BAZ2B: variants seen among roughly 807,000 people sequenced by gnomAD.
BAZ2B encodes the protein bromodomain adjacent to zinc finger domain protein 2B.
A neutral mutation model predicts 246.0 loss-of-function variants in BAZ2B; 91 were observed. The observed-to-expected ratio is 0.37, with a 90% CI of 0.31 to 0.44. The LOEUF is 0.44. Among genes scored for constraint, BAZ2B ranks in the 20% least tolerant of loss-of-function variants. BAZ2B has a pLI of 1.00. For synonymous variants in BAZ2B, 855 were observed against 860.0 expected (o/e 0.99, Z 0.10); for missense variants, 2,332 against 2,533.7 (o/e 0.92, Z 1.71).
intron 1 of BAZ2B, among the ~76,000 whole-genome samples, chr2:159,598,096 C>A (rs376795682): frequency 6.6e-6 from 1 of 151,932 alleles, no homozygotes; most frequent in Non-Finnish European, 1.5e-5. Flanking sequence ...CGGGCTCAAG[C>A]GATTCTCCTG....
chr2:159,431,168 A>G lies in BAZ2B; in HGVS notation c.1901-12T>C. The G allele has an allele frequency of 6.3e-7, 1 of 1,595,028 alleles. No homozygotes were observed. Among genetic ancestry groups the G allele is most frequent in the South Asian group, 1.1e-5 (1 of 88,070 alleles). On this transcript the variant is annotated splice_polypyrimidine_tract_variant and intron_variant, in intron 9 of 36. Coordinates refer to ENST00000392783, the MANE Select transcript of BAZ2B (RefSeq NM_013450.4). Reference sequence around the variant, plus strand: ...ATTACTATCTGATTCTGGGAAGTAAAAGAAGCATTTGTATATTATAACTAG... The same window carrying G: ...ATTACTATCTGATTCTGGGAAGTAAGAGAAGCATTTGTATATTATAACTAG...
At chr2:159,374,136 C>T (rs1414551246) in intron 26 of BAZ2B, among the ~76,000 whole-genome samples, 2 of 146,992 alleles carry the variant, frequency 1.4e-5, no homozygotes, top group Non-Finnish European at 3.0e-5. Flanking sequence ...TCTCAAACTC[C>T]TGGGCTCAAA....
At chr2:159,524,143 G>A (rs749357901) in intron 2 of BAZ2B, among the ~76,000 whole-genome samples, 2 of 152,076 alleles carry the variant, frequency 1.3e-5, no homozygotes, top group African/African-American at 2.4e-5. Flanking sequence ...TGCTCACACT[G>A]AGATTACAGG....
At chr2:159,594,634 T>G (rs1290063239) in intron 1 of BAZ2B, among the ~76,000 whole-genome samples, 1 of 14,218 alleles carries the variant, frequency 7.0e-5, no homozygotes, top group African/African-American at 3.8e-4. Context: ...ATTTTGACAG[T>G]TTTTTTTTTT....
At chr2:159,377,931 C>G (rs559267826) in intron 25 of BAZ2B, among the ~76,000 whole-genome samples, 75 of 151,382 alleles carry the variant, frequency 5.0e-4, no homozygotes, top group African/African-American at 1.8e-3. Flanking sequence ...TTTGTTAGTT[C>G]TCTGTTAAAA....
intron 2 of BAZ2B, among the ~76,000 whole-genome samples, chr2:159,549,616 A>C (rs1348847713): frequency 6.6e-6 from 1 of 152,112 alleles, no homozygotes; most frequent in African/African-American, 2.4e-5. Flanking sequence ...AACAAAAATC[A>C]CAAAAAAAAT....
chr2:159,481,001 C>A (rs189149482), intron 2 of BAZ2B, among the ~76,000 whole-genome samples: 1 of 152,068 alleles, frequency 6.6e-6, no homozygotes, highest in East Asian at 1.9e-4. Context: ...TTTTAATAGG[C>A]ATTTCTTAGT....
At chr2:159,462,107 C>A in intron 3 of BAZ2B, 1 of 255,094 alleles carries the variant, frequency 3.9e-6, no homozygotes, top group Non-Finnish European at 7.5e-6. Context: ...CTTTTTTAAA[C>A]AGTAAAATGT....
At chr2:159,544,445 G>A (rs748165525) in intron 2 of BAZ2B, among the ~76,000 whole-genome samples, 1 of 152,160 alleles carries the variant, frequency 6.6e-6, no homozygotes, top group Non-Finnish European at 1.5e-5. Context: ...TTTCTACCTT[G>A]AGCGGCTAAG....
chr2:159,689,434 C>T, the BAZ2B span: 3 of 237,904 alleles, frequency 1.3e-5, no homozygotes, highest in African/African-American at 4.8e-5. Context: ...TGCAGTGGCA[C>T]GATCTCGGCT....
chr2:159,642,115 A>G, the BAZ2B span, among the ~76,000 whole-genome samples: 2 of 151,202 alleles, frequency 1.3e-5, no homozygotes, highest in Non-Finnish European at 2.9e-5. Flanking sequence ...GAAAATGTGG[A>G]TTTTTCTTCT....
chr2:159,399,522 G>A (rs567227161), intron 17 of BAZ2B, among the ~76,000 whole-genome samples: 1 of 151,614 alleles, frequency 6.6e-6, no homozygotes, highest in East Asian at 1.9e-4. Context: ...TCTTTCATGA[G>A]GCACAATCTA....
At chr2:159,651,128 T>C in the BAZ2B span, among the ~76,000 whole-genome samples, 11,221 of 152,220 alleles carry the variant, frequency 0.074, 527 homozygotes, top group East Asian at 0.14. Flanking sequence ...CTCACTTATG[T>C]GGGGAATCAT....
Position 159,347,579 on chromosome 2 carries a change from T to G in BAZ2B, c.5361A>C (p.Ser1787=). 6.2e-7 allele frequency: 1 copy of G among 1,613,290 alleles called. No individual in the cohort carries two copies. Among genetic ancestry groups the G allele is most frequent in the Non-Finnish European group, 8.5e-7 (1 of 1,179,374 alleles). The change falls in exon 31 of 37, where the codon TCA becomes TCC. Residue 1787 remains serine, a synonymous_variant. Transcript: ENST00000392783. The part of the protein sequence containing the change: ...QVTRDIVENW[S]VEEQAMEMDL... Reference sequence around the variant, plus strand: ...CCATTTCCATTGCTTGTTCTTCTACTGACCAGTTCTCCACAATATCTCGAG... The same window carrying G: ...CCATTTCCATTGCTTGTTCTTCTACGGACCAGTTCTCCACAATATCTCGAG...
chr2:159,370,252 T>C (rs1280372508), intron 27 of BAZ2B, among the ~76,000 whole-genome samples: 10 of 151,884 alleles, frequency 6.6e-5, no homozygotes, highest in Admixed American at 6.6e-4. Flanking sequence ...CACACCAACA[T>C]GGCACATGTA....
chr2:159,344,046 GAAA>G (rs796497198), intron 31 of BAZ2B, among the ~76,000 whole-genome samples: 189 of 108,972 alleles, frequency 1.7e-3, no homozygotes, highest in Non-Finnish European at 3.0e-3. Context: ...AAAAAAAAAA[GAAA>G]AAAAAAAAAA....
chr2:159,544,698 A>C (rs2087090157), intron 2 of BAZ2B, among the ~76,000 whole-genome samples: 1 of 152,224 alleles, frequency 6.6e-6, no homozygotes, highest in Non-Finnish European at 1.5e-5. Context: ...CACATTTATC[A>C]CTAAAGACTA....
the BAZ2B span, among the ~76,000 whole-genome samples, chr2:159,639,277 A>G: frequency 6.6e-6 from 1 of 152,232 alleles, no homozygotes; most frequent in Non-Finnish European, 1.5e-5. Flanking sequence ...CTGTCCTACA[A>G]GAAATCTTAA....
chr2:159,599,026 T>C (rs1427028704), intron 1 of BAZ2B, among the ~76,000 whole-genome samples: 1 of 150,942 alleles, frequency 6.6e-6, no homozygotes, highest in African/African-American at 2.4e-5. Flanking sequence ...GAGGATCACT[T>C]GAGGACCAGC....
Sources: gnomAD v4.1 joint callset for allele counts (sites outside exome capture counted in the v4.1 genomes callset) on GRCh38, gnomAD v4.1.1 for gene constraint, MANE v1.5 for transcripts, NCBI Gene and HGNC (gene_info 2026-07-23, HGNC 2026-07-21) for gene names.